The following RAB3D variants were observed in gnomAD, a reference collection of about 807,000 sequenced individuals.
RAB3D encodes ras-related protein Rab-3D.
In RAB3D, 17 loss-of-function variants were observed where a neutral mutation model predicts 19.3. That is an observed-to-expected ratio of 0.88 (90% CI 0.60 to 1.32). RAB3D has a LOEUF of 1.32. Among genes scored for constraint, RAB3D ranks in the 40% most tolerant of loss-of-function variants. The probability of loss-of-function intolerance (pLI) is 0.00; values close to 1 mark genes in which losing one functional copy is unlikely to be tolerated. For synonymous variants in RAB3D, 103 were observed against 119.9 expected, an observed-to-expected ratio of 0.86 and a Z score of 0.92; for missense variants, 223 against 299.1, an observed-to-expected ratio of 0.75 and a Z score of 1.88.
At position 11,335,610 on chromosome 19, in the gene RAB3D, T is replaced by A; in HGVS notation, c.348-39A>T. ...AGTGGTGAGCCATGAGCCGGGGGGGTTAGGGGTCAGAGGAGAGGGCAAAGA... is the reference window on the plus strand; with the variant it reads ...AGTGGTGAGCCATGAGCCGGGGGGGATAGGGGTCAGAGGAGAGGGCAAAGA... On this transcript the variant is annotated intron_variant, in intron 3 of 4. Transcript: ENST00000222120. 7 of 1,612,332 alleles carry A rather than the reference T, an allele frequency of 4.3e-6. No individual in the cohort carries two copies. In the South Asian group the frequency reaches 7.7e-5, roughly 18 times the overall value.
At chr19:11,338,868 A>C (rs1299056421) in intron 1 of RAB3D, among the ~76,000 whole-genome samples, 1 of 151,634 alleles carries the variant, frequency 6.6e-6, no homozygotes, top group African/African-American at 2.4e-5. Flanking sequence ...AACCCTCATA[A>C]CCTCTCCCAG....
chr19:11,322,728 G>A lies in RAB3D; in HGVS notation c.*2670C>T, dbSNP rs958021815. 6.6e-6 allele frequency: 1 copy of A among 152,144 alleles called. No individual in the cohort carries two copies. Among genetic ancestry groups the A allele is most frequent in the Non-Finnish European group, 1.5e-5 (1 of 68,036 alleles). The allele number at this position is 152,144 out of a possible 1,614,324, so 9.4% of individuals were successfully genotyped here. ...GAGAGAATCCTGAGGCAGCTCTCTC[G>A]GCTGCTACTTGAAGTTGAATTCTTG... is the stretch of plus-strand genomic sequence containing the variant. On this transcript the variant is annotated 3_prime_UTR_variant, in exon 5 of 5. Transcript: ENST00000222120.
chr19:11,323,310 TC>T lies in RAB3D; in HGVS notation c.*2087del, dbSNP rs2080791968. ...TAATTTGTTGGTATAAAAGATACCC[TC>T]GGCTGGGCGTGATGGCTCACGCCTG... is the stretch of plus-strand genomic sequence containing the variant. On this transcript the variant is annotated 3_prime_UTR_variant, in exon 5 of 5. Coordinates refer to ENST00000222120, the MANE Select transcript of RAB3D (RefSeq NM_004283.4). The T allele has an allele frequency of 6.6e-6, 1 of 152,188 alleles. No homozygotes were observed. Among genetic ancestry groups the T allele is most frequent in the Non-Finnish European group, 1.5e-5 (1 of 68,040 alleles). The allele number at this position is 152,188 out of a possible 1,614,324, so 9.4% of individuals were successfully genotyped here. A position where few individuals can be genotyped will look rare whatever the true frequency, so the allele number is the denominator to read the frequency against.
Position 11,335,431 on chromosome 19 carries a change from C to A in RAB3D, c.472+16G>T, listed in dbSNP as rs1364254280. On this transcript the variant is annotated intron_variant, in intron 4 of 4. Transcript: ENST00000222120. ...TTCTGGGAGACCAGGGCCTGTGGCC[C>A]AGGCTGGGCACTAACCAAGGTCGTC... 1.2e-6 allele frequency: 2 copies of A among 1,613,608 alleles called. No individual in the cohort carries two copies. The highest frequency in any genetic ancestry group is 1.7e-6 in the Non-Finnish European group (2 of 1,179,764).
rs1176561809 is a variant in RAB3D, at chr19:11,324,743, G to A, written c.*655C>T. 1 of 152,706 alleles carries A rather than the reference G, an allele frequency of 6.5e-6. No homozygotes were observed. Among genetic ancestry groups the A allele is most frequent in the East Asian group, 1.9e-4 (1 of 5,200 alleles). 9.5% of individuals were successfully genotyped at this position (152,706 alleles called of 1,614,324 possible). A position where few individuals can be genotyped will look rare whatever the true frequency, so the allele number is the denominator to read the frequency against. On this transcript the variant is annotated 3_prime_UTR_variant, in exon 5 of 5. Coordinates refer to ENST00000222120, the MANE Select transcript of RAB3D (RefSeq NM_004283.4). ...GGGAAGCTTGGAAGGCACTTCTGGG[G>A]TCCCTGAAGCCGGGGGGTTGAGGGG...
chr19:11,332,759 G>A (rs936805883), intron 4 of RAB3D, among the ~76,000 whole-genome samples: 21 of 152,184 alleles, frequency 1.4e-4, no homozygotes, highest in African/African-American at 4.8e-4. Context: ...GGGATTACAA[G>A]CACATGCCAC....
At chr19:11,339,036 G>A (rs1035697366) in intron 1 of RAB3D, among the ~76,000 whole-genome samples, 6 of 152,166 alleles carry the variant, frequency 3.9e-5, no homozygotes, top group African/African-American at 1.4e-4. Context: ...GGACCCAACC[G>A]GCCCCACCCC....
At chr19:11,329,024 G>A (rs1391408970) in intron 4 of RAB3D, among the ~76,000 whole-genome samples, 1 of 149,262 alleles carries the variant, frequency 6.7e-6, no homozygotes, top group Non-Finnish European at 1.5e-5. Flanking sequence ...CTTGACTCTT[G>A]GGCCCCCCTC....
At chr19:11,325,673 T>C (rs904471909) in intron 4 of RAB3D, 88 bp from the exon 5 acceptor site, 26 of 1,290,006 alleles carry the variant, frequency 2.0e-5, no homozygotes, top group Admixed American at 1.9e-4. Flanking sequence ...CTTCTAAGCC[T>C]AGTTCTGCTC....
rs1459530559 is a variant in RAB3D at position 11,322,286 on chromosome 19, G to A, written c.*3112C>T. 6.6e-6 allele frequency: 1 copy of A among 151,984 alleles called. No individual in the cohort carries two copies. 9.4% of individuals were successfully genotyped at this position (151,984 alleles called of 1,614,324 possible). ...TCACCTGTTACTTATTTTTCTAAAT[G>A]GAGTAGGAGAGAAAGATGCTAAAAT... On this transcript the variant is annotated 3_prime_UTR_variant, in exon 5 of 5. Transcript: ENST00000222120.
At chr19:11,335,893 C>T in intron 2 of RAB3D, 110 bp from the exon 3 acceptor site, 1 of 1,005,742 alleles carries the variant, frequency 9.9e-7, no homozygotes, top group Non-Finnish European at 1.5e-6. Context: ...GGGGGAGACA[C>T]AGACTTGCTT....
At chr19:11,332,259 T>G (rs1339535260) in intron 4 of RAB3D, among the ~76,000 whole-genome samples, 2 of 152,272 alleles carry the variant, frequency 1.3e-5, no homozygotes, top group East Asian at 3.8e-4. Context: ...CTCAAACTCC[T>G]GACCTCAGGT....
intron 2 of RAB3D, among the ~76,000 whole-genome samples, chr19:11,336,159 C>T (rs1358408562): frequency 2.0e-5 from 3 of 152,170 alleles, no homozygotes; most frequent in Non-Finnish European, 2.9e-5. Flanking sequence ...CTTGCTACCA[C>T]GATGATTGTT....
rs1192240433 is a variant in RAB3D, at chr19:11,324,886, G to A, written c.*512C>T. ...TCCCACCTTGGAATCCAGAAAGTTC[G>A]TGGGGGCAGGCTCAGAGACCAGCCT... On this transcript the variant is annotated 3_prime_UTR_variant, in exon 5 of 5. Coordinates refer to ENST00000222120, the MANE Select transcript of RAB3D (RefSeq NM_004283.4). 6.6e-6 allele frequency: 1 copy of A among 152,584 alleles called. No homozygotes were observed. Among genetic ancestry groups the A allele is most frequent in the Non-Finnish European group, 1.5e-5 (1 of 68,260 alleles). 9.5% of individuals were successfully genotyped at this position (152,584 alleles called of 1,614,324 possible).
rs566120729 is a variant in RAB3D, at chr19:11,333,341, A to G, written c.472+2106T>C. On this transcript the variant is annotated intron_variant, in intron 4 of 4. Transcript: ENST00000222120. ...ATGATCCGCCCTCTTCGGCCTCCCA[A>G]AGTGCTGGGATTACAAGCGTGAGCC... Among the ~76,000 whole-genome samples, 112 of 152,186 alleles carry G rather than the reference A, an allele frequency of 7.4e-4. 1 individual carries two copies. The highest frequency in any genetic ancestry group is 2.6e-3 in the African/African-American group (109 of 41,540).
chr19:11,332,838 G>A lies in RAB3D; in HGVS notation c.472+2609C>T, dbSNP rs142156275. On this transcript the variant is annotated intron_variant, in intron 4 of 4. Coordinates refer to ENST00000222120, the MANE Select transcript of RAB3D (RefSeq NM_004283.4). Reference sequence around the variant, plus strand: ...ACTATAAAAACCAACCAGGTGCAGTGACTCCATCTCAAAAAAAAAAAGTGT... The same window carrying A: ...ACTATAAAAACCAACCAGGTGCAGTAACTCCATCTCAAAAAAAAAAAGTGT... Among the ~76,000 whole-genome samples the A allele has an allele frequency of 1.2e-3, 189 of 151,412 alleles. 1 individual carries two copies. Among genetic ancestry groups the A allele is most frequent in the African/African-American group, 4.1e-3 (169 of 41,224 alleles).
chr19:11,331,015 C>CA (rs34766833), intron 4 of RAB3D, among the ~76,000 whole-genome samples: 4,795 of 120,582 alleles, frequency 0.04, 219 homozygotes, highest in African/African-American at 0.12. Flanking sequence ...GACCTTGCCT[C>CA]AAAAAAAAAA....
chr19:11,326,027 C>T (rs1442978969), intron 4 of RAB3D, among the ~76,000 whole-genome samples: 1 of 152,036 alleles, frequency 6.6e-6, no homozygotes, highest in African/African-American at 2.4e-5. Context: ...TCAAGACCCG[C>T]CTGACCAACA....
At chr19:11,334,306 C>T (rs578213063) in intron 4 of RAB3D, among the ~76,000 whole-genome samples, 3 of 152,016 alleles carry the variant, frequency 2.0e-5, no homozygotes, top group East Asian at 3.9e-4. Flanking sequence ...CCCATCTCTA[C>T]TGAAAATACA....
Sources: allele counts gnomAD v4.1 joint callset (sites outside exome capture counted in the v4.1 genomes callset), GRCh38; gene constraint gnomAD v4.1.1; transcripts MANE v1.5; gene names NCBI Gene and HGNC (gene_info 2026-07-23, HGNC 2026-07-21).